MGAT4C: variants seen among roughly 807,000 people sequenced by gnomAD.
MGAT4C encodes the protein MGAT4 family member C.
MGAT4C carries 19 observed loss-of-function variants against 40.1 expected under a neutral mutation model. The ratio of observed to expected loss-of-function variants is 0.47; its 90% confidence interval spans 0.33 to 0.70. The LOEUF is 0.70. Among genes scored for constraint, MGAT4C ranks in the 30% least tolerant of loss-of-function variants. The pLI is 0.02. For missense variants in MGAT4C, 491 were observed against 563.2 expected, an observed-to-expected ratio of 0.87 and a Z score of 1.30; for synonymous variants, 181 against 187.1, an observed-to-expected ratio of 0.97 and a Z score of 0.27.
chr12:86,482,091 C>CACACAG (rs1216883135), intron 2 of MGAT4C, among the ~76,000 whole-genome samples: 1 of 151,578 alleles, frequency 6.6e-6, no homozygotes, highest in East Asian at 1.9e-4. Context: ...CACACACACA[C>CACACAG]ACACACACAC....
chr12:86,367,828 A>C (rs1214525719), intron 3 of MGAT4C, among the ~76,000 whole-genome samples: 13 of 151,880 alleles, frequency 8.6e-5, no homozygotes, highest in Admixed American at 8.5e-4. Flanking sequence ...ACAAACAAAC[A>C]AAAAACAACA....
chr12:86,246,606 CTTTA>C (rs568415950), intron 1 of MGAT4C, among the ~76,000 whole-genome samples: 10 of 152,152 alleles, frequency 6.6e-5, no homozygotes, highest in South Asian at 2.1e-4. Flanking sequence ...TCTATAAACA[CTTTA>C]TTTATTATAA....
upstream of MGAT4C, among the ~76,000 whole-genome samples, chr12:86,257,752 TAGTC>T (rs1282554920): frequency 6.6e-6 from 1 of 152,190 alleles, no homozygotes; most frequent in Non-Finnish European, 1.5e-5. Flanking sequence ...ACTTTTATGA[TAGTC>T]AGTTTATTTG....
intron 2 of MGAT4C, among the ~76,000 whole-genome samples, chr12:86,538,836 T>C (rs1959121382): frequency 6.6e-6 from 1 of 152,028 alleles, no homozygotes; most frequent in Non-Finnish European, 1.5e-5. Flanking sequence ...CTCGATCTTC[T>C]GACCTCCTGA....
intron 2 of MGAT4C, among the ~76,000 whole-genome samples, chr12:86,513,223 A>G (rs1452241325): frequency 6.6e-6 from 1 of 152,152 alleles, no homozygotes; most frequent in Non-Finnish European, 1.5e-5. Flanking sequence ...ATTCATTTAA[A>G]AGTTCTTGGA....
rs185534796 is a variant in MGAT4C at position 86,506,175 on chromosome 12, C to T, written c.-228-70910G>A. Among the ~76,000 whole-genome samples, 625 of 152,184 alleles carry T rather than the reference C, an allele frequency of 4.1e-3. 4 individuals carry two copies. Among genetic ancestry groups the T allele is most frequent in the Non-Finnish European group, 6.6e-3 (452 of 68,002 alleles). ...CTCACAGCCTCTGTCACAGTTGCTA[C>T]GATGTGATTAAACGAAAATTCATGT... On this transcript the variant is annotated intron_variant, in intron 2 of 7. Transcript: ENST00000548651.
At chr12:86,737,776 C>T (rs1224168034) in intron 1 of MGAT4C, among the ~76,000 whole-genome samples, 2 of 151,208 alleles carry the variant, frequency 1.3e-5, no homozygotes, top group Non-Finnish European at 3.0e-5. Flanking sequence ...AACAGACTTC[C>T]TTTAGTCTTT....
At chr12:86,604,462 C>A (rs1447625909) in intron 2 of MGAT4C, among the ~76,000 whole-genome samples, 1 of 151,954 alleles carries the variant, frequency 6.6e-6, no homozygotes. Flanking sequence ...GAAGCTAAAC[C>A]AAAATGGCAT....
intron 3 of MGAT4C, among the ~76,000 whole-genome samples, chr12:86,337,269 A>C (rs902175151): frequency 6.6e-6 from 1 of 152,070 alleles, no homozygotes; most frequent in African/African-American, 2.4e-5. Flanking sequence ...ATATTATCTA[A>C]TTTACATTTT....
At chr12:86,795,687 T>C (rs1185557255) in intron 1 of MGAT4C, among the ~76,000 whole-genome samples, 1 of 151,838 alleles carries the variant, frequency 6.6e-6, no homozygotes, top group Admixed American at 6.6e-5. Flanking sequence ...CTAAGCTGTT[T>C]CTGATTATTT....
At chr12:86,259,700 C>T (rs1952614448), upstream of MGAT4C, among the ~76,000 whole-genome samples, 2 of 33,842 alleles carry the variant, frequency 5.9e-5, no homozygotes, top group Middle Eastern at 0.01. Flanking sequence ...AATATTTTAA[C>T]TTTAATAGTG....
chr12:86,422,350 T>C (rs1354677522), intron 3 of MGAT4C, among the ~76,000 whole-genome samples: 1 of 152,178 alleles, frequency 6.6e-6, no homozygotes. Flanking sequence ...CCTTAATTAT[T>C]AAAAATATAA....
intron 2 of MGAT4C, among the ~76,000 whole-genome samples, chr12:86,020,016 G>A (rs1391030891): frequency 1.3e-5 from 2 of 152,160 alleles, no homozygotes; most frequent in Non-Finnish European, 2.9e-5. Flanking sequence ...GTATAAGAAT[G>A]CTTGTGATTT....
intron 1 of MGAT4C, among the ~76,000 whole-genome samples, chr12:86,149,134 C>G (rs139979077): frequency 6.6e-6 from 1 of 151,924 alleles, no homozygotes; most frequent in African/African-American, 2.4e-5. Flanking sequence ...TATTTTAAAG[C>G]TTTTACATTA....
intron 2 of MGAT4C, among the ~76,000 whole-genome samples, chr12:86,689,189 CGTCAA>C (rs1343090507): frequency 6.6e-6 from 1 of 152,136 alleles, no homozygotes; most frequent in African/African-American, 2.4e-5. Context: ...TTCTCAGCTC[CGTCAA>C]GTCATTTATA....
At chr12:86,507,117 C>T (rs1347481587) in intron 2 of MGAT4C, among the ~76,000 whole-genome samples, 3 of 152,026 alleles carry the variant, frequency 2.0e-5, no homozygotes, top group African/African-American at 4.8e-5. Flanking sequence ...AACATATTTG[C>T]ACTAATTTTT....
At chr12:86,561,105 T>C (rs1486429641) in intron 2 of MGAT4C, among the ~76,000 whole-genome samples, 5 of 152,188 alleles carry the variant, frequency 3.3e-5, no homozygotes, top group Non-Finnish European at 7.4e-5. Flanking sequence ...AAATCAGAGA[T>C]ACCTCATGCT....
intron 1 of MGAT4C, among the ~76,000 whole-genome samples, chr12:86,197,452 G>A (rs2135922418): frequency 6.6e-6 from 1 of 152,214 alleles, no homozygotes; most frequent in Non-Finnish European, 1.5e-5. Flanking sequence ...AGGTCACAGG[G>A]TGGAGCCCTC....
chr12:86,348,508 C>G (rs1223925698), intron 3 of MGAT4C, among the ~76,000 whole-genome samples: 1 of 151,956 alleles, frequency 6.6e-6, no homozygotes, highest in Non-Finnish European at 1.5e-5. Context: ...AAGTAATTTC[C>G]TCACAAAAGG....
Sources: gnomAD v4.1 joint callset for allele counts (sites outside exome capture counted in the v4.1 genomes callset) on GRCh38, gnomAD v4.1.1 for gene constraint, MANE v1.5 for transcripts, NCBI Gene and HGNC (gene_info 2026-07-23, HGNC 2026-07-21) for gene names.